The following RGS7 variants were observed in gnomAD, a reference collection of about 807,000 sequenced individuals.
The protein encoded by RGS7 is regulator of G protein signaling 7.
A neutral mutation model predicts 81.1 loss-of-function variants in RGS7; 27 were observed. The ratio of observed to expected loss-of-function variants is 0.33; its 90% confidence interval spans 0.25 to 0.46. The LOEUF (loss-of-function observed/expected upper bound fraction) is 0.46, where lower values mean the gene tolerates loss of function less well. Ranked by LOEUF, RGS7 falls within the 20% of genes least tolerant of loss-of-function variation. The probability of loss-of-function intolerance (pLI) is 1.00; values close to 1 mark genes in which losing one functional copy is unlikely to be tolerated. For missense variants in RGS7, 396 were observed against 607.4 expected (o/e 0.65, Z 3.66); for synonymous variants, 208 against 207.7 (o/e 1.00, Z -0.01).
At position 241,327,032 on chromosome 1, in the gene RGS7, A is replaced by AGGGAGGGAGGGAGGGAGGG. The variant is rs1558320484; in HGVS notation, c.78+28666_78+28667insCCCTCCCTCCCTCCCTCCC. Among the ~76,000 whole-genome samples, 25 of 2,658 alleles carry AGGGAGGGAGGGAGGGAGGG rather than the reference A, an allele frequency of 9.4e-3. 1 individual carries two copies. The highest frequency in any genetic ancestry group is 0.022 in the African/African-American group (10 of 452). 1.7% of individuals were successfully genotyped at this position (2,658 alleles called of 152,430 possible). ...GAAGGAAGGAAGGAAGGAAGGAAGG[A>AGGGAGGGAGGGAGGGAGGG]AGGAAGGGAGGGAGGGGAAAGGAAG... On this transcript the variant is annotated intron_variant, in intron 2 of 18. Transcript: ENST00000440928.
intron 2 of RGS7, chr1:241,305,580 C>CA (rs2148521280): frequency 6.6e-6 from 1 of 150,948 alleles, no homozygotes; most frequent in East Asian, 2.0e-4. Context: ...GGAAGGGGCT[C>CA]AGTCCCTGGC....
intron 18 of RGS7, among the ~76,000 whole-genome samples, chr1:240,797,685 T>A (rs1219631828): frequency 6.6e-6 from 1 of 152,138 alleles, no homozygotes; most frequent in Non-Finnish European, 1.5e-5. Context: ...GAAAAAGTGG[T>A]GTCAGATTTG....
At chr1:240,917,614 T>A (rs1672812629) in intron 6 of RGS7, among the ~76,000 whole-genome samples, 1 of 152,162 alleles carries the variant, frequency 6.6e-6, no homozygotes, top group Non-Finnish European at 1.5e-5. Flanking sequence ...TTAAAAGGAA[T>A]TATAATTGAT....
At chr1:240,827,881 A>AAC in intron 9 of RGS7, among the ~76,000 whole-genome samples, 1 of 150,732 alleles carries the variant, frequency 6.6e-6, no homozygotes, top group Middle Eastern at 3.4e-3. Flanking sequence ...AAAAAAAAAA[A>AAC]AAAAAAACAG....
At chr1:241,348,885 G>A (rs1455193837) in intron 2 of RGS7, among the ~76,000 whole-genome samples, 3 of 152,128 alleles carry the variant, frequency 2.0e-5, no homozygotes, top group Non-Finnish European at 4.4e-5. Flanking sequence ...AGAAAAATAT[G>A]ACTGGAGGTA....
chr1:241,156,851 C>G (rs1021588962), intron 2 of RGS7, among the ~76,000 whole-genome samples: 4 of 152,178 alleles, frequency 2.6e-5, no homozygotes, highest in Non-Finnish European at 4.4e-5. Context: ...CCTGTGAGGT[C>G]TGTGTGGCTG....
At chr1:241,096,464 C>T (rs947969994) in intron 3 of RGS7, among the ~76,000 whole-genome samples, 5 of 151,852 alleles carry the variant, frequency 3.3e-5, no homozygotes, top group South Asian at 2.1e-4. Context: ...ATTGAACCTA[C>T]GAGGCAGAGC....
At chr1:241,150,940 G>A (rs1033885426) in intron 2 of RGS7, among the ~76,000 whole-genome samples, 17 of 152,192 alleles carry the variant, frequency 1.1e-4, no homozygotes, top group Admixed American at 1.1e-3. Context: ...CCAAAGGCGG[G>A]AAAACCTGGA....
intron 3 of RGS7, among the ~76,000 whole-genome samples, chr1:241,024,733 T>C (rs1322818701): frequency 6.6e-6 from 1 of 152,156 alleles, no homozygotes; most frequent in East Asian, 1.9e-4. Context: ...AGATGTATAT[T>C]GATGCTCAAA....
intron 6 of RGS7, among the ~76,000 whole-genome samples, chr1:240,906,234 C>A (rs1300067827): frequency 1.3e-5 from 2 of 152,156 alleles, no homozygotes; most frequent in East Asian, 3.9e-4. Flanking sequence ...CCTGTGTCTG[C>A]GTATCTGTGC....
At chr1:241,194,502 C>T (rs1366122740) in intron 2 of RGS7, among the ~76,000 whole-genome samples, 1 of 152,158 alleles carries the variant, frequency 6.6e-6, no homozygotes, top group Non-Finnish European at 1.5e-5. Context: ...CCAACTTTCT[C>T]ATGCCTCTGG....
chr1:241,208,335 C>T (rs1029874811), intron 2 of RGS7, among the ~76,000 whole-genome samples: 39 of 152,146 alleles, frequency 2.6e-4, no homozygotes, highest in Non-Finnish European at 4.6e-4. Flanking sequence ...GGGATGACTA[C>T]GCCAGGCTTA....
At chr1:241,154,608 G>A (rs893375767) in intron 2 of RGS7, among the ~76,000 whole-genome samples, 4 of 152,202 alleles carry the variant, frequency 2.6e-5, no homozygotes, top group South Asian at 2.1e-4. Context: ...CCCGAATGTC[G>A]GGAAAACTGG....
chr1:240,914,281 A>G (rs1386813190), intron 6 of RGS7, among the ~76,000 whole-genome samples: 1 of 152,114 alleles, frequency 6.6e-6, no homozygotes, highest in Non-Finnish European at 1.5e-5. Context: ...AAAAACATGC[A>G]AGTCTTATTA....
chr1:241,309,082 T>A (rs2080344506), intron 2 of RGS7, among the ~76,000 whole-genome samples: 1 of 152,090 alleles, frequency 6.6e-6, no homozygotes, highest in African/African-American at 2.4e-5. Flanking sequence ...ATGCAAGTCA[T>A]CTTTAGAAAA....
chr1:241,064,895 T>G (rs926269893), intron 3 of RGS7, among the ~76,000 whole-genome samples: 2 of 152,120 alleles, frequency 1.3e-5, no homozygotes, highest in Admixed American at 6.6e-5. Context: ...CATTCATGTC[T>G]TTTATTTATT....
intron 3 of RGS7, among the ~76,000 whole-genome samples, chr1:241,005,148 G>A (rs946237823): frequency 6.6e-6 from 1 of 152,154 alleles, no homozygotes; most frequent in Admixed American, 6.5e-5. Flanking sequence ...TCTTTATGGT[G>A]ACTGTTCCAA....
At chr1:240,981,103 T>TTTGTTTG (rs1684847057) in intron 4 of RGS7, among the ~76,000 whole-genome samples, 3 of 151,860 alleles carry the variant, frequency 2.0e-5, no homozygotes, top group Admixed American at 2.0e-4. Flanking sequence ...TTCAGGTTTT[T>TTTGTTTG]TTTGTTTGTT....
At chr1:240,786,359 C>T (rs1390516208) in intron 18 of RGS7, among the ~76,000 whole-genome samples, 12 of 152,086 alleles carry the variant, frequency 7.9e-5, no homozygotes, top group Admixed American at 7.9e-4. Flanking sequence ...AAAGAGATTA[C>T]ATTTTGTTCA....
Sources: gnomAD v4.1 joint callset for allele counts (sites outside exome capture counted in the v4.1 genomes callset) on GRCh38, gnomAD v4.1.1 for gene constraint, MANE v1.5 for transcripts, NCBI Gene and HGNC (gene_info 2026-07-23, HGNC 2026-07-21) for gene names.